ARNT2: variants seen among roughly 807,000 people sequenced by gnomAD.
ARNT2 encodes aryl hydrocarbon receptor nuclear translocator 2.
A neutral mutation model predicts 91.7 loss-of-function variants in ARNT2; 36 were observed. That is an observed-to-expected ratio of 0.39 (90% CI 0.30 to 0.52). ARNT2 has a LOEUF of 0.52. Ranked by LOEUF, ARNT2 falls within the 20% of genes least tolerant of loss-of-function variation. The probability of loss-of-function intolerance (pLI) is 0.72; values close to 1 mark genes in which losing one functional copy is unlikely to be tolerated. For missense variants in ARNT2, 775 were observed against 939.3 expected, an observed-to-expected ratio of 0.83 and a Z score of 2.29; for synonymous variants, 365 against 347.1, an observed-to-expected ratio of 1.05 and a Z score of -0.57.
At chr15:80,435,810 T>C (rs1034214925) in intron 1 of ARNT2, among the ~76,000 whole-genome samples, 24 of 152,182 alleles carry the variant, frequency 1.6e-4, no homozygotes, top group Non-Finnish European at 4.4e-5. Flanking sequence ...AATTTATCCA[T>C]TCATTGATTC....
intron 3 of ARNT2, among the ~76,000 whole-genome samples, chr15:80,469,678 G>A (rs1052798135): frequency 1.6e-4 from 25 of 152,086 alleles, no homozygotes; most frequent in African/African-American, 4.1e-4. Context: ...GCAGTGGTGC[G>A]ATCTCAGCTT....
chr15:80,572,807 C>T lies in ARNT2; in HGVS notation c.1317-1341C>T, dbSNP rs114482366. On this transcript the variant is annotated intron_variant, in intron 12 of 18. Coordinates refer to ENST00000303329, the MANE Select transcript of ARNT2 (RefSeq NM_014862.4). ...ACATAGTTTGTGGCCATAATTGCAG[C>T]GTGCATAATATATTGTGCTGCACTT... 4.8e-3 allele frequency among the ~76,000 whole-genome samples: 725 copies of T among 152,342 alleles called. 3 individuals carry two copies. Among genetic ancestry groups the T allele is most frequent in the African/African-American group, 0.016 (684 of 41,564 alleles).
intron 8 of ARNT2, among the ~76,000 whole-genome samples, chr15:80,520,763 C>A (rs767960633): frequency 3.9e-5 from 6 of 152,072 alleles, no homozygotes; most frequent in Non-Finnish European, 8.8e-5. Flanking sequence ...GGAAAAAAAT[C>A]TGTGTTTGGA....
chr15:80,446,391 G>A (rs777086568), intron 1 of ARNT2, among the ~76,000 whole-genome samples: 2 of 152,110 alleles, frequency 1.3e-5, no homozygotes, highest in East Asian at 3.9e-4. Flanking sequence ...AATAGCTTGC[G>A]CACGGACCCC....
intron 1 of ARNT2, among the ~76,000 whole-genome samples, chr15:80,418,432 G>A (rs1284632809): frequency 6.6e-6 from 1 of 152,224 alleles, no homozygotes; most frequent in African/African-American, 2.4e-5. Context: ...TGCTGTGACA[G>A]TCTTCTCACC....
chr15:80,580,500 A>G lies in ARNT2; in HGVS notation c.1703A>G (p.Asn568Ser). The change falls in exon 16 of 19, where the codon AAC becomes AGC. Residue 568 changes from asparagine (N) to serine (S), a missense_variant. Physicochemically the swap from Asn to Ser is conservative, Grantham distance 46. Coordinates refer to ENST00000303329, the MANE Select transcript of ARNT2 (RefSeq NM_014862.4). ...ATGTCCCAAATCTCCCGGCAGCTAA[A>G]CCAGAGTCAGGTGGCATGGACAGGG... The part of the protein sequence containing the change: ...QNMSQISRQL[N>S]QSQVAWTGSR... The G allele has an allele frequency of 1.9e-6, 3 of 1,614,150 alleles. No homozygotes were observed. The highest frequency in any genetic ancestry group is 2.7e-5 in the African/African-American group (2 of 75,038).
At chr15:80,476,040 TA>T (rs1896798546) in intron 5 of ARNT2, among the ~76,000 whole-genome samples, 3 of 152,168 alleles carry the variant, frequency 2.0e-5, no homozygotes, top group Admixed American at 6.5e-5. Flanking sequence ...AAAGCAAAAA[TA>T]AAAACCTATT....
chr15:80,514,243 TAGATGCC>T (rs1897392952), intron 7 of ARNT2, 70 bp from the exon 8 acceptor site: 1 of 1,455,444 alleles, frequency 6.9e-7, no homozygotes, highest in Non-Finnish European at 9.6e-7. Context: ...CCCAGTAGCT[TAGATGCC>T]AGAGGAGTCA....
Position 80,450,957 on chromosome 15 carries a change from G to T in ARNT2, c.109G>T (p.Gly37Trp). The T allele has an allele frequency of 1.9e-6, 3 of 1,614,152 alleles. No homozygotes were observed. Among genetic ancestry groups the T allele is most frequent in the Non-Finnish European group, 2.5e-6 (3 of 1,180,044 alleles). Residue 37 changes from glycine (G) to tryptophan (W), a missense_variant, in exon 2 of 19, where the codon GGG (glycine) becomes TGG (tryptophan). Transcript: ENST00000303329. ...MAATGQVRMA[G>W]AMPARGGKRR... ...GGCCACCGGACAGGTGAGGATGGCG[G>T]GGGCCATGCCTGCCCGTGGAGGAAA...
chr15:80,486,148 T>C (rs926448981), intron 5 of ARNT2, among the ~76,000 whole-genome samples: 1 of 152,140 alleles, frequency 6.6e-6, no homozygotes, highest in African/African-American at 2.4e-5. Flanking sequence ...TAAGGTGGCA[T>C]TTTCCCTTTG....
intron 5 of ARNT2, among the ~76,000 whole-genome samples, chr15:80,507,094 G>A (rs1012304770): frequency 6.6e-6 from 1 of 152,214 alleles, no homozygotes; most frequent in African/African-American, 2.4e-5. Context: ...TGCAGAGAGA[G>A]GATAAGAGCT....
chr15:80,538,501 G>C (rs1307420058), intron 8 of ARNT2, among the ~76,000 whole-genome samples: 1 of 152,054 alleles, frequency 6.6e-6, no homozygotes, highest in Non-Finnish European at 1.5e-5. Flanking sequence ...ACTAGCTTCT[G>C]GTGAAGGATG....
intron 8 of ARNT2, among the ~76,000 whole-genome samples, chr15:80,532,116 G>A (rs561505694): frequency 6.6e-6 from 1 of 152,346 alleles, no homozygotes; most frequent in African/African-American, 2.4e-5. Context: ...AATGACCACA[G>A]CAACACTATA....
At position 80,570,518 on chromosome 15, in the gene ARNT2, TG is replaced by T. The variant is rs201329106; in HGVS notation, c.1317-3629del. Among the ~76,000 whole-genome samples, 862 of 152,338 alleles carry T rather than the reference TG, an allele frequency of 5.7e-3. 13 individuals carry two copies. Among genetic ancestry groups the T allele is most frequent in the African/African-American group, 0.02 (836 of 41,574 alleles). ...TGCTTTTTTTTTCTATTGATTATACTGATTCATTTTTCAATTTCTGAAATAT... is the reference window on the plus strand; with the variant it reads ...TGCTTTTTTTTTCTATTGATTATACTATTCATTTTTCAATTTCTGAAATAT... On this transcript the variant is annotated intron_variant, in intron 12 of 18. Coordinates refer to ENST00000303329, the MANE Select transcript of ARNT2 (RefSeq NM_014862.4).
chr15:80,493,117 G>C (rs1486079928), intron 5 of ARNT2, among the ~76,000 whole-genome samples: 3 of 152,216 alleles, frequency 2.0e-5, no homozygotes, highest in Admixed American at 2.0e-4. Flanking sequence ...AAGACTGAGA[G>C]AGCAAAAGCA....
intron 2 of ARNT2, among the ~76,000 whole-genome samples, chr15:80,457,085 A>G (rs973107087): frequency 6.6e-6 from 1 of 152,076 alleles, no homozygotes; most frequent in Non-Finnish European, 1.5e-5. Context: ...ACTTGACACC[A>G]ATTAAGTACC....
In ARNT2 at chr15:80,535,381, C is replaced by A. The variant is rs114251156; in HGVS notation, c.878-15818C>A. 6.0e-3 allele frequency among the ~76,000 whole-genome samples: 910 copies of A among 152,288 alleles called. 17 individuals carry two copies. The highest frequency in any genetic ancestry group is 0.021 in the African/African-American group (886 of 41,552). On this transcript the variant is annotated intron_variant, in intron 8 of 18. Coordinates refer to ENST00000303329, the MANE Select transcript of ARNT2 (RefSeq NM_014862.4). ...GGAGTCCGTTATGTTCATTATTTTGCTGTTTCACTGTTACACTACTAACTC... is the reference window on the plus strand; with the variant it reads ...GGAGTCCGTTATGTTCATTATTTTGATGTTTCACTGTTACACTACTAACTC...
At chr15:80,415,496 G>A (rs879114897) in intron 1 of ARNT2, among the ~76,000 whole-genome samples, 1 of 152,208 alleles carries the variant, frequency 6.6e-6, no homozygotes, top group Admixed American at 6.5e-5. Context: ...GAAGTGTGGT[G>A]AGTGGGGGCG....
intron 8 of ARNT2, among the ~76,000 whole-genome samples, chr15:80,535,601 A>AT (rs1336924420): frequency 3.3e-5 from 5 of 151,610 alleles, no homozygotes; most frequent in Non-Finnish European, 1.5e-5. Context: ...TGCTTTTCTG[A>AT]TTTTCTCCTA....
Sources: gnomAD v4.1 joint callset for allele counts (sites outside exome capture counted in the v4.1 genomes callset) on GRCh38, gnomAD v4.1.1 for gene constraint, MANE v1.5 for transcripts, NCBI Gene and HGNC (gene_info 2026-07-23, HGNC 2026-07-21) for gene names.